ADGRB3: variants seen among roughly 807,000 people sequenced by gnomAD.
ADGRB3 encodes the protein adhesion G protein-coupled receptor B3.
Under a neutral mutation model 193.4 loss-of-function variants are expected in ADGRB3, and 37 were observed. The observed-to-expected ratio is 0.19, with a 90% CI of 0.15 to 0.25. The LOEUF (loss-of-function observed/expected upper bound fraction) is 0.25, where lower values mean the gene tolerates loss of function less well. ADGRB3 is among the 10% of genes least tolerant of loss of function. ADGRB3 has a pLI of 1.00. For missense variants in ADGRB3, 1,637 were observed against 1,852.9 expected, an observed-to-expected ratio of 0.88 and a Z score of 2.14; for synonymous variants, 690 against 644.2, an observed-to-expected ratio of 1.07 and a Z score of -1.08.
At chr6:69,212,717 G>A (rs1289109535) in intron 17 of ADGRB3, among the ~76,000 whole-genome samples, 1 of 152,044 alleles carries the variant, frequency 6.6e-6, no homozygotes, top group Non-Finnish European at 1.5e-5. Context: ...CTACTGGTTT[G>A]GTAAGAAAAC....
In ADGRB3 at chr6:68,821,014, A is replaced by G. The variant is rs941022188; in HGVS notation, c.758-109545A>G. On this transcript the variant is annotated intron_variant, in intron 3 of 31. Coordinates refer to ENST00000370598, the MANE Select transcript of ADGRB3 (RefSeq NM_001704.3). ...TTATTCAAGGCCCCCTTCAAATGTC[A>G]CCTTCCTTAGGAGTTTCTTACCAAT... Among the ~76,000 whole-genome samples the G allele has an allele frequency of 2.0e-5, 3 of 152,004 alleles. No homozygotes were observed. In the South Asian group the frequency reaches 6.2e-4, roughly 31 times the overall value.
intron 3 of ADGRB3, among the ~76,000 whole-genome samples, chr6:68,706,993 C>A (rs1765335651): frequency 6.6e-6 from 1 of 151,722 alleles, no homozygotes; most frequent in African/African-American, 2.4e-5. Flanking sequence ...TACCTGTAGA[C>A]CAAGCTACTT....
chr6:68,878,205 T>C (rs1024557046), intron 3 of ADGRB3, among the ~76,000 whole-genome samples: 1 of 152,064 alleles, frequency 6.6e-6, no homozygotes, highest in African/African-American at 2.4e-5. Context: ...TGAAAAATGT[T>C]CCAATATTTT....
intron 20 of ADGRB3, among the ~76,000 whole-genome samples, chr6:69,319,838 T>G (rs1199134593): frequency 6.6e-6 from 1 of 151,486 alleles, no homozygotes; most frequent in Non-Finnish European, 1.5e-5. Context: ...CATAATTACA[T>G]TACTGGAATT....
intron 3 of ADGRB3, among the ~76,000 whole-genome samples, chr6:68,811,946 A>G (rs1024892940): frequency 6.6e-6 from 1 of 152,202 alleles, no homozygotes; most frequent in African/African-American, 2.4e-5. Flanking sequence ...AAATACCCTA[A>G]AGATTTAGTG....
chr6:69,169,594 A>G (rs1775221840), intron 17 of ADGRB3, among the ~76,000 whole-genome samples: 2 of 151,050 alleles, frequency 1.3e-5, no homozygotes, highest in South Asian at 4.1e-4. Context: ...AAATGATATA[A>G]TTAAATGATA....
intron 13 of ADGRB3, among the ~76,000 whole-genome samples, chr6:69,031,687 T>C (rs746871860): frequency 1.3e-5 from 2 of 151,368 alleles, no homozygotes; most frequent in South Asian, 4.2e-4. Flanking sequence ...CAGGCTGGAG[T>C]GCAGTGGCAT....
At chr6:69,279,568 CA>C (rs1767389287) in intron 20 of ADGRB3, among the ~76,000 whole-genome samples, 1 of 151,806 alleles carries the variant, frequency 6.6e-6, no homozygotes, top group South Asian at 2.1e-4. Context: ...TGTAATTATA[CA>C]TATATATATT....
At chr6:68,690,087 G>A (rs1448104651) in intron 3 of ADGRB3, among the ~76,000 whole-genome samples, 1 of 152,152 alleles carries the variant, frequency 6.6e-6, no homozygotes, top group African/African-American at 2.4e-5. Flanking sequence ...CTGGATTGAA[G>A]CTGTGATGCA....
intron 17 of ADGRB3, among the ~76,000 whole-genome samples, chr6:69,220,401 C>A (rs1486668281): frequency 4.6e-5 from 7 of 152,108 alleles, no homozygotes; most frequent in Admixed American, 4.6e-4. Flanking sequence ...TAAAAATTAG[C>A]CACTCCTGGA....
intron 3 of ADGRB3, among the ~76,000 whole-genome samples, chr6:68,760,171 G>A (rs568813333): frequency 6.6e-6 from 1 of 152,004 alleles, no homozygotes; most frequent in Non-Finnish European, 1.5e-5. Flanking sequence ...TCACTTATTC[G>A]TTGCAAATGA....
In ADGRB3 at chr6:69,049,340, C is replaced by T. The variant is rs778889856; in HGVS notation, c.2327C>T (p.Thr776Ile). 1.9e-6 allele frequency: 3 copies of T among 1,602,736 alleles called. No homozygotes were observed. Among genetic ancestry groups the T allele is most frequent in the Non-Finnish European group, 2.6e-6 (3 of 1,172,134 alleles). Residue 776 changes from threonine (T) to isoleucine (I), a missense_variant, in exon 15 of 32, where the codon ACT (threonine) becomes ATT (isoleucine). Transcript: ENST00000370598. ...AAAAACTTAGATCTAATTTTGCCCA[C>T]TTTGAGGTAAGCTACAAAGTAATAA... ...LYKNLDLILP[T>I]LRNYTVINSK...
At chr6:69,136,773 C>T in intron 17 of ADGRB3, among the ~76,000 whole-genome samples, 1 of 152,024 alleles carries the variant, frequency 6.6e-6, no homozygotes, top group East Asian at 1.9e-4. Flanking sequence ...CCAAGGACTT[C>T]CAGTAACAGT....
chr6:68,798,550 C>T (rs1288599223), intron 3 of ADGRB3, among the ~76,000 whole-genome samples: 1 of 151,722 alleles, frequency 6.6e-6, no homozygotes, highest in African/African-American at 2.4e-5. Flanking sequence ...GGGGGCTAGA[C>T]GAGGGATAGC....
intron 3 of ADGRB3, among the ~76,000 whole-genome samples, chr6:68,668,134 A>C (rs191642475): frequency 2.6e-5 from 4 of 152,138 alleles, no homozygotes; most frequent in East Asian, 3.9e-4. Flanking sequence ...ATTGGTTCCA[A>C]ACTGTAGCAG....
At chr6:69,290,111 T>C (rs1262202028) in intron 20 of ADGRB3, among the ~76,000 whole-genome samples, 1 of 152,104 alleles carries the variant, frequency 6.6e-6, no homozygotes, top group Non-Finnish European at 1.5e-5. Context: ...GGATTAATTG[T>C]GAGGCATACT....
At chr6:69,222,147 G>A (rs974643127) in intron 17 of ADGRB3, among the ~76,000 whole-genome samples, 1 of 152,084 alleles carries the variant, frequency 6.6e-6, no homozygotes, top group Non-Finnish European at 1.5e-5. Context: ...ACATAAGAGG[G>A]ATAATCCTTG....
At chr6:69,320,812 T>G (rs1461295113) in intron 20 of ADGRB3, among the ~76,000 whole-genome samples, 1 of 138,600 alleles carries the variant, frequency 7.2e-6, no homozygotes, top group East Asian at 2.0e-4. Flanking sequence ...TATATGTGCT[T>G]GTGCATGTGT....
intron 3 of ADGRB3, among the ~76,000 whole-genome samples, chr6:68,786,002 T>C (rs972096276): frequency 2.0e-5 from 3 of 151,956 alleles, no homozygotes; most frequent in African/African-American, 7.3e-5. Flanking sequence ...TTTGATGGGG[T>C]TGTTTTTTTC....
Sources: allele counts gnomAD v4.1 joint callset (sites outside exome capture counted in the v4.1 genomes callset), GRCh38; gene constraint gnomAD v4.1.1; transcripts MANE v1.5; gene names NCBI Gene and HGNC (gene_info 2026-07-23, HGNC 2026-07-21).